PPP2R1B: variants seen among roughly 807,000 people sequenced by gnomAD.
The protein encoded by PPP2R1B is serine/threonine-protein phosphatase 2A 65 kDa regulatory subunit A beta isoform.
In PPP2R1B, 58 loss-of-function variants were observed where a neutral mutation model predicts 72.7. That is an observed-to-expected ratio of 0.80 (90% CI 0.65 to 0.99). The LOEUF (loss-of-function observed/expected upper bound fraction) is 0.99, where lower values mean the gene tolerates loss of function less well. Among genes scored for constraint, PPP2R1B ranks in the 50% least tolerant of loss-of-function variants. The pLI is 0.00. For synonymous variants in PPP2R1B, 256 were observed against 264.6 expected, an observed-to-expected ratio of 0.97 and a Z score of 0.32; for missense variants, 695 against 733.6, an observed-to-expected ratio of 0.95 and a Z score of 0.61.
the PPP2R1B span, chr11:111,705,086 C>T: frequency 6.2e-7 from 1 of 1,606,256 alleles, no homozygotes; most frequent in East Asian, 2.2e-5. The surrounding 1 kb of genome is among the most constrained non-coding windows in gnomAD (Gnocchi z 4.3). Flanking sequence ...GGAGCAGAGA[C>T]TTGATGGCCG....
intron 10 of PPP2R1B, among the ~76,000 whole-genome samples, chr11:111,750,836 T>C (rs1004492441): frequency 1.8e-4 from 24 of 130,364 alleles, no homozygotes; most frequent in Non-Finnish European, 3.6e-4. Flanking sequence ...GTTTTTGTTT[T>C]TGTTTTGTTT....
intron 15 of PPP2R1B, chr11:111,730,298 CAGA>C (rs1390979509): frequency 4.6e-5 from 7 of 152,312 alleles, no homozygotes; most frequent in East Asian, 3.9e-4. Context: ...TGTCTGTCTG[CAGA>C]AGATTTGCTC....
At chr11:111,754,750 C>T (rs1945038886) in intron 7 of PPP2R1B, among the ~76,000 whole-genome samples, 181 bp from the exon 8 acceptor site, 1 of 152,054 alleles carries the variant, frequency 6.6e-6, no homozygotes, top group African/African-American at 2.4e-5. Flanking sequence ...CATATCACAC[C>T]AATCCAACCT....
downstream of PPP2R1B, chr11:111,722,722 C>G (rs1010110839): frequency 1.2e-6 from 2 of 1,614,160 alleles, no homozygotes; most frequent in Non-Finnish European, 8.5e-7. This position sits in a 1 kb window ranked among gnomAD's most constrained non-coding sequence, Gnocchi z 4.4. Context: ...CAAAGAACCA[C>G]CGCGGAGCCT....
At position 111,755,413 on chromosome 11, in the gene PPP2R1B, C is replaced by G; in HGVS notation, c.725G>C (p.Ser242Thr). ...ATCCTGAGACAATAACTGGGCAATA[C>G]TGACACAAGCTTCCACAGCAAGGAG... ...VRLLAVEACV[S>T]IAQLLSQDDL... is the part of the protein sequence containing the mutation. The change falls in exon 6 of 15, where the codon AGT becomes ACT. Residue 242 changes from serine (S) to threonine (T), a missense_variant. By Grantham distance (58) the Ser-to-Thr change is moderately conservative. Coordinates refer to ENST00000527614, the MANE Select transcript of PPP2R1B (RefSeq NM_002716.5). 1.9e-6 allele frequency: 3 copies of G among 1,610,516 alleles called. No homozygotes were observed. In the South Asian group the frequency reaches 3.3e-5, roughly 18 times the overall value.
chr11:111,761,730 G>A (rs1945336857), intron 3 of PPP2R1B, among the ~76,000 whole-genome samples: 1 of 152,170 alleles, frequency 6.6e-6, no homozygotes, highest in African/African-American at 2.4e-5. Flanking sequence ...AGGCCGAGGT[G>A]GGCAGATCAC....
the PPP2R1B span, among the ~76,000 whole-genome samples, chr11:111,695,806 A>G: frequency 2.0e-5 from 3 of 152,238 alleles, no homozygotes; most frequent in African/African-American, 4.8e-5. Flanking sequence ...TTAGACAACA[A>G]TCATCAGAGT....
Position 111,766,313 on chromosome 11 carries a change from C to T in PPP2R1B, c.49G>A (p.Asp17Asn). The T allele has an allele frequency of 6.4e-7, 1 of 1,570,520 alleles. No individual in the cohort carries two copies. The highest frequency in any genetic ancestry group is 1.1e-5 in the South Asian group (1 of 90,156). The change falls in exon 1 of 15, where the codon GAT (aspartate) becomes AAT (asparagine). Residue 17 changes from aspartate to asparagine, a missense_variant. By Grantham distance (23) the Asp-to-Asn change is conservative (BLOSUM62 1). Coordinates refer to ENST00000527614, the MANE Select transcript of PPP2R1B (RefSeq NM_002716.5). ...ATCGGGTATAGCGAATCATCTCCATCTCCACCCGCTGCTCCTGGGCCGGTC... is the reference window on the plus strand; with the variant it reads ...ATCGGGTATAGCGAATCATCTCCATTTCCACCCGCTGCTCCTGGGCCGGTC... ...LGTGPGAAGGDGDDSLYPIAV... is the reference protein window; with the variant it reads ...LGTGPGAAGGNGDDSLYPIAV...
the PPP2R1B span, among the ~76,000 whole-genome samples, chr11:111,698,793 C>T: frequency 6.6e-6 from 1 of 152,228 alleles, no homozygotes; most frequent in Admixed American, 6.5e-5. Context: ...AAAACTCATC[C>T]TGTGATTATG....
intron 5 of PPP2R1B, among the ~76,000 whole-genome samples, chr11:111,758,498 G>C (rs781935293): frequency 6.6e-6 from 1 of 152,164 alleles, no homozygotes; most frequent in Non-Finnish European, 1.5e-5. Flanking sequence ...GCTGAGGCAG[G>C]AGAATTGCTT....
At chr11:111,723,991 C>T (rs1423850663), downstream of PPP2R1B, 1 of 1,614,214 alleles carries the variant, frequency 6.2e-7, no homozygotes, top group East Asian at 2.2e-5. Context: ...CGGGGCCAGA[C>T]TGTCCCAGAA....
the PPP2R1B span, among the ~76,000 whole-genome samples, chr11:111,707,201 C>A: frequency 2.0e-5 from 3 of 152,186 alleles, no homozygotes; most frequent in African/African-American, 4.8e-5. Flanking sequence ...CCCCCAGGGC[C>A]AGCAGGCTTT....
the PPP2R1B span, chr11:111,701,025 T>G: frequency 6.2e-7 from 1 of 1,612,174 alleles, no homozygotes. This position sits in a 1 kb window ranked among gnomAD's most constrained non-coding sequence, Gnocchi z 4.2. Flanking sequence ...TGCTTTGCTT[T>G]GCTGTGTTGT....
intron 8 of PPP2R1B, 58 bp downstream of exon 8, chr11:111,754,441 T>A: frequency 6.4e-7 from 1 of 1,553,460 alleles, no homozygotes; most frequent in Non-Finnish European, 8.6e-7. Context: ...ACAAAAATAA[T>A]GAGATTAAGG....
chr11:111,719,997 G>A, the PPP2R1B span: 1 of 1,613,226 alleles, frequency 6.2e-7, no homozygotes, highest in South Asian at 1.1e-5. Context: ...CGTGATGCCT[G>A]GGGCAGGTAC....
At chr11:111,711,413 G>T in the PPP2R1B span, among the ~76,000 whole-genome samples, 1 of 152,150 alleles carries the variant, frequency 6.6e-6, no homozygotes, top group African/African-American at 2.4e-5. Context: ...GAGCCACCGC[G>T]CCTGGCCTTA....
Position 111,738,131 on chromosome 11 carries a change from A to G in PPP2R1B, c.*3465T>C, listed in dbSNP as rs1405892569. 6 of 987,770 alleles carry G rather than the reference A, an allele frequency of 6.1e-6. No individual in the cohort carries two copies. In the South Asian group the frequency reaches 1.4e-4, roughly 23 times the overall value. The allele number at this position is 987,770 out of a possible 1,614,324, so 61.2% of individuals were successfully genotyped here. ...AGTAAGGAACTGGATGGAAACAGGA[A>G]TACTGGAGAATCAAAGGGAAACAGT... is the stretch of plus-strand genomic sequence containing the variant. On this transcript the variant is annotated 3_prime_UTR_variant, in exon 15 of 15. Transcript: ENST00000527614.
chr11:111,734,022 G>A (rs540972079), downstream of PPP2R1B, among the ~76,000 whole-genome samples: 3 of 152,244 alleles, frequency 2.0e-5, no homozygotes, highest in East Asian at 5.8e-4. Context: ...ACTAACCCAG[G>A]CAAATCATTG....
At position 111,738,600 on chromosome 11, in the gene PPP2R1B, C is replaced by T. The variant is rs1944412526; in HGVS notation, c.*2996G>A. The T allele has an allele frequency of 4.1e-6, 4 of 985,362 alleles. No homozygotes were observed. The South Asian group carries it at 1.4e-4, about 35-fold the overall frequency. The allele number at this position is 985,362 out of a possible 1,614,324, so 61.0% of individuals were successfully genotyped here. A position where few individuals can be genotyped will look rare whatever the true frequency, so the allele number is the denominator to read the frequency against. The stretch of plus-strand genomic sequence containing the variant: ...GTCAGGACAAGTTGTCTGGCAAAGA[C>T]CCCTGGGGCTCTGCATCACAGTGGC... On this transcript the variant is annotated 3_prime_UTR_variant, in exon 15 of 15. Transcript: ENST00000527614.
Sources: allele counts gnomAD v4.1 joint callset (sites outside exome capture counted in the v4.1 genomes callset), GRCh38; gene constraint gnomAD v4.1.1; non-coding constraint Gnocchi (gnomAD v3.1); transcripts MANE v1.5; gene names NCBI Gene and HGNC (gene_info 2026-07-23, HGNC 2026-07-21).